DMD: variants seen among roughly 807,000 people sequenced by gnomAD.
DMD encodes the protein dystrophin, also known as mutant dystrophin.
Under a neutral mutation model 330.1 loss-of-function variants are expected in DMD, and 63 were observed. That is an observed-to-expected ratio of 0.19 (90% CI 0.16 to 0.24). The LOEUF is 0.24. Among genes scored for constraint, DMD ranks in the 10% least tolerant of loss-of-function variants. DMD has a pLI of 1.00. For synonymous variants in DMD, 1,223 were observed against 959.8 expected (o/e 1.27, Z -5.07); for missense variants, 3,344 against 2,684.1 (o/e 1.25, Z -5.43).
intron 7 of DMD, 77 bp downstream of exon 7, chrX:32,809,416 G>A (rs1399769409): frequency 5.8e-6 from 5 of 855,928 alleles, no homozygotes; most frequent in Non-Finnish European, 8.7e-6. Flanking sequence ...TGTATTTTGT[G>A]TAGAAATGAC....
At chrX:32,803,097 T>C (rs1402519989) in intron 7 of DMD, among the ~76,000 whole-genome samples, 2 of 112,013 alleles carry the variant, frequency 1.8e-5, no homozygotes, top group East Asian at 2.8e-4. Context: ...TGTCTGGTCC[T>C]GGGCTTTTTT....
At chrX:33,269,202 G>T (rs1442936284) in intron 1 of DMD, among the ~76,000 whole-genome samples, 1 of 111,467 alleles carries the variant, frequency 9.0e-6, no homozygotes, top group Non-Finnish European at 1.9e-5. Context: ...GCTCATCAAT[G>T]GTTGACTGGA....
At chrX:32,809,944 AAAGAAAG>A (rs1472464832) in intron 6 of DMD, among the ~76,000 whole-genome samples, 1 of 74,738 alleles carries the variant, frequency 1.3e-5, no homozygotes, top group Non-Finnish European at 2.6e-5. Flanking sequence ...AAAAAAAAAA[AAAGAAAG>A]AAAGAAAGAA....
intron 44 of DMD, among the ~76,000 whole-genome samples, chrX:32,107,931 A>G (rs1316660804): frequency 9.0e-6 from 1 of 111,069 alleles, no homozygotes; most frequent in African/African-American, 3.3e-5. Context: ...TCAATTCCAG[A>G]AACATATTGA....
chrX:31,421,852 C>T (rs1424271772), intron 60 of DMD, among the ~76,000 whole-genome samples: 1 of 100,258 alleles, frequency 1.0e-5, no homozygotes, highest in African/African-American at 3.6e-5. Context: ...CAACCCCTCC[C>T]TGCTTACTCT....
chrX:31,999,392 T>A (rs1253425185), intron 44 of DMD, among the ~76,000 whole-genome samples: 1 of 112,016 alleles, frequency 8.9e-6, no homozygotes, highest in Non-Finnish European at 1.9e-5. Flanking sequence ...TAGCATTGCA[T>A]AAAATTAAAG....
chrX:31,536,798 T>C (rs1360763167), intron 55 of DMD, among the ~76,000 whole-genome samples: 1 of 111,627 alleles, frequency 9.0e-6, no homozygotes, highest in Non-Finnish European at 1.9e-5. Context: ...CTTTCTGCCT[T>C]CTCAAGTACC....
intron 4 of DMD, among the ~76,000 whole-genome samples, chrX:32,830,215 TA>T (rs752542768): frequency 1.8e-4 from 20 of 111,594 alleles, no homozygotes; most frequent in Non-Finnish European, 3.2e-4. Flanking sequence ...CTATTAGCTG[TA>T]AGTCATAACA....
At chrX:31,493,693 C>T (rs2069537761) in intron 57 of DMD, among the ~76,000 whole-genome samples, 1 of 111,551 alleles carries the variant, frequency 9.0e-6, no homozygotes, top group African/African-American at 3.3e-5. Context: ...GAGAAGACTA[C>T]TATAGTGTTA....
At chrX:32,466,681 G>A (rs1403857347) in intron 23 of DMD, among the ~76,000 whole-genome samples, 2 of 111,388 alleles carry the variant, frequency 1.8e-5, no homozygotes, top group African/African-American at 6.5e-5. Flanking sequence ...AAGAGAGGGA[G>A]AGGGAGATAG....
chrX:32,743,122 G>A (rs2069518382), intron 7 of DMD, among the ~76,000 whole-genome samples: 1 of 111,245 alleles, frequency 9.0e-6, no homozygotes, highest in Non-Finnish European at 1.9e-5. Context: ...GCATGCAATA[G>A]ATCAAAAATG....
rs188922733 is a variant in DMD at position 33,099,660 on chromosome X, C to T, written c.32-79460G>A. Among the ~76,000 whole-genome samples the T allele has an allele frequency of 7.1e-3, 800 of 111,930 alleles. 8 individuals are homozygous for T. Among genetic ancestry groups the T allele is most frequent in the Middle Eastern group, 0.014 (3 of 213 alleles). ...GAACTTGTGGTTGTTCCATATCTATCTAGAAACATATCTCTAGAATAGTTC... is the reference window on the plus strand; with the variant it reads ...GAACTTGTGGTTGTTCCATATCTATTTAGAAACATATCTCTAGAATAGTTC... On this transcript the variant is annotated intron_variant, in intron 1 of 78. Coordinates refer to ENST00000357033, the MANE Select transcript of DMD (RefSeq NM_004006.3).
In DMD at chrX:31,127,738, G is replaced by A. The variant is rs72625565; in HGVS notation, c.11015-1065C>T. On this transcript the variant is annotated intron_variant, in intron 77 of 78. Coordinates refer to ENST00000357033, the MANE Select transcript of DMD (RefSeq NM_004006.3). ...AGAACTACTAGTCTGGAATGAAGAG[G>A]TATGGAGCTACGACACCAATAGAAA... Among the ~76,000 whole-genome samples, 276 of 111,321 alleles carry A rather than the reference G, an allele frequency of 2.5e-3. 5 individuals carry two copies. The East Asian group carries it at 0.064, about 26-fold the overall frequency.
At chrX:31,857,048 T>C (rs2093623850) in intron 48 of DMD, among the ~76,000 whole-genome samples, 1 of 111,453 alleles carries the variant, frequency 9.0e-6, no homozygotes, top group Admixed American at 9.6e-5. Context: ...TTCCATGTTT[T>C]GCCTTCTTAA....
chrX:32,715,468 TCAAAAAAAAAA>T (rs2065612027), intron 7 of DMD, among the ~76,000 whole-genome samples: 1 of 17,013 alleles, frequency 5.9e-5, no homozygotes, highest in Non-Finnish European at 8.7e-5. Context: ...AGAGATTCCA[TCAAAAAAAAAA>T]AAAAAAAAAA....
At chrX:32,307,122 T>C (rs1241910528) in intron 42 of DMD, among the ~76,000 whole-genome samples, 1 of 111,099 alleles carries the variant, frequency 9.0e-6, no homozygotes, top group Non-Finnish European at 1.9e-5. Flanking sequence ...ATGTCCTAGA[T>C]AGAGTTCCCC....
chrX:31,203,329 A>C (rs1231335652), intron 67 of DMD, among the ~76,000 whole-genome samples: 3 of 107,764 alleles, frequency 2.8e-5, no homozygotes, highest in African/African-American at 1.0e-4. Context: ...AAATTAGAAC[A>C]AGATGAATGT....
chrX:33,238,909 C>A (rs2052533788), intron 1 of DMD, among the ~76,000 whole-genome samples: 1 of 110,756 alleles, frequency 9.0e-6, no homozygotes. Flanking sequence ...TGCATGCACC[C>A]TTGCTACTTA....
rs192645465 is a variant in DMD, at chrX:31,725,403, G to A, written c.7660+4228C>T. ...TCCTTTTGGGGTGGTGGTGGGGGGC[G>A]AAATAACTAAACAGCTACCAAAAAG... On this transcript the variant is annotated intron_variant, in intron 52 of 78. Coordinates refer to ENST00000357033, the MANE Select transcript of DMD (RefSeq NM_004006.3). Among the ~76,000 whole-genome samples, 5 of 110,669 alleles carry A rather than the reference G, an allele frequency of 4.5e-5. No homozygotes were observed. The East Asian group carries it at 8.5e-4, about 19-fold the overall frequency.
Sources: gnomAD v4.1 joint callset for allele counts (sites outside exome capture counted in the v4.1 genomes callset) on GRCh38, gnomAD v4.1.1 for gene constraint, MANE v1.5 for transcripts, NCBI Gene and HGNC (gene_info 2026-07-23, HGNC 2026-07-21) for gene names.